FAF1: variants seen among roughly 807,000 people sequenced by gnomAD.
FAF1 encodes the protein Fas associated factor 1.
FAF1 carries 25 observed loss-of-function variants against 92.5 expected under a neutral mutation model. That is an observed-to-expected ratio of 0.27 (90% CI 0.20 to 0.38). The LOEUF (loss-of-function observed/expected upper bound fraction) is 0.38. Among genes scored for constraint, FAF1 ranks in the 10% least tolerant of loss-of-function variants. The pLI, the probability that FAF1 is intolerant of heterozygous loss-of-function variation, is 1.00. For synonymous variants in FAF1, 234 were observed against 273.2 expected, an observed-to-expected ratio of 0.86 and a Z score of 1.42; for missense variants, 636 against 793.3, an observed-to-expected ratio of 0.80 and a Z score of 2.38.
chr1:50,554,641 T>G (rs1485820218), intron 13 of FAF1, among the ~76,000 whole-genome samples: 1 of 152,048 alleles, frequency 6.6e-6, no homozygotes, highest in Non-Finnish European at 1.5e-5. Flanking sequence ...ATCACTCTGA[T>G]CAGATTATTA....
intron 7 of FAF1, among the ~76,000 whole-genome samples, chr1:50,670,565 T>G (rs543703333): frequency 1.4e-3 from 207 of 152,342 alleles, no homozygotes; most frequent in African/African-American, 4.8e-3. Context: ...ACTATAAAGG[T>G]AGAAATACTG....
At chr1:50,674,074 C>A (rs776182908) in intron 7 of FAF1, among the ~76,000 whole-genome samples, 3 of 152,066 alleles carry the variant, frequency 2.0e-5, no homozygotes, top group Non-Finnish European at 4.4e-5. Context: ...CCTCAGCCTC[C>A]CAAGTAGCTG....
intron 14 of FAF1, among the ~76,000 whole-genome samples, chr1:50,538,439 T>C (rs1454793636): frequency 6.6e-6 from 1 of 151,818 alleles, no homozygotes; most frequent in African/African-American, 2.4e-5. Flanking sequence ...CAATGAAGAA[T>C]ATGACTACTA....
At chr1:50,597,841 A>G (rs138907261) in intron 8 of FAF1, among the ~76,000 whole-genome samples, 279 of 152,318 alleles carry the variant, frequency 1.8e-3, no homozygotes, top group African/African-American at 6.1e-3. Flanking sequence ...TAATCCATGG[A>G]AAAGGCAGGC....
chr1:50,951,576 C>T (rs1384154772), intron 1 of FAF1, among the ~76,000 whole-genome samples: 1 of 152,144 alleles, frequency 6.6e-6, no homozygotes, highest in Non-Finnish European at 1.5e-5. Context: ...TGGTCTGAAT[C>T]CAAAGTCCAT....
chr1:50,477,035 C>CT (rs775261073), intron 17 of FAF1, among the ~76,000 whole-genome samples: 6 of 152,154 alleles, frequency 3.9e-5, no homozygotes, highest in Non-Finnish European at 8.8e-5. Flanking sequence ...TGCAAATTAT[C>CT]TGTTAAAAAA....
chr1:50,598,742 G>A (rs866474728), intron 8 of FAF1, among the ~76,000 whole-genome samples: 1 of 152,098 alleles, frequency 6.6e-6, no homozygotes, highest in Non-Finnish European at 1.5e-5. Context: ...AGGCTGAGGC[G>A]AGTGGATCAC....
intron 18 of FAF1, among the ~76,000 whole-genome samples, chr1:50,444,865 T>G (rs1646210455): frequency 6.6e-6 from 1 of 151,454 alleles, no homozygotes; most frequent in Non-Finnish European, 1.5e-5. Flanking sequence ...AAGCTGATGA[T>G]ATGAATGATT....
intron 1 of FAF1, among the ~76,000 whole-genome samples, chr1:50,941,143 C>T (rs1474785576): frequency 2.0e-5 from 3 of 151,918 alleles, no homozygotes; most frequent in Non-Finnish European, 4.4e-5. Context: ...GCAATCCTCC[C>T]ACCTCAGCTT....
intron 4 of FAF1, among the ~76,000 whole-genome samples, chr1:50,756,248 A>C (rs1660068552): frequency 6.6e-6 from 1 of 152,214 alleles, no homozygotes. Flanking sequence ...TTCTTCTGCC[A>C]AATACCCTAA....
chr1:50,694,958 T>C (rs1657124940), intron 7 of FAF1, among the ~76,000 whole-genome samples: 2 of 150,838 alleles, frequency 1.3e-5, no homozygotes, highest in South Asian at 2.1e-4. Context: ...CGAGACTGTC[T>C]CAAAAAAAAA....
intron 12 of FAF1, among the ~76,000 whole-genome samples, chr1:50,575,070 G>A (rs902916156): frequency 2.6e-5 from 4 of 151,722 alleles, no homozygotes; most frequent in African/African-American, 7.2e-5. Context: ...CACCACGCCC[G>A]GCTAATTTTT....
chr1:50,497,784 G>A (rs370032041), intron 15 of FAF1, among the ~76,000 whole-genome samples: 12 of 151,810 alleles, frequency 7.9e-5, no homozygotes, highest in East Asian at 3.9e-4. Context: ...TCCTGGGCTC[G>A]TGATCCACCT....
At chr1:50,547,221 A>G (rs969408533) in intron 13 of FAF1, among the ~76,000 whole-genome samples, 5 of 151,816 alleles carry the variant, frequency 3.3e-5, no homozygotes, top group Admixed American at 3.3e-4. Flanking sequence ...CAGACAATAT[A>G]ATGCCTCACG....
chr1:50,846,427 G>A, intron 2 of FAF1: 1 of 394,584 alleles, frequency 2.5e-6, no homozygotes, highest in Non-Finnish European at 4.9e-6. Flanking sequence ...CGCGTCCTGG[G>A]AACCAGCTCG....
intron 1 of FAF1, among the ~76,000 whole-genome samples, chr1:50,906,239 T>C (rs1156265654): frequency 6.6e-6 from 1 of 152,214 alleles, no homozygotes; most frequent in Non-Finnish European, 1.5e-5. Context: ...TTGGTCTACA[T>C]CTCTGTTTTG....
At chr1:50,457,925 GGT>G (rs1428354463) in intron 18 of FAF1, among the ~76,000 whole-genome samples, 2 of 149,942 alleles carry the variant, frequency 1.3e-5, no homozygotes, top group South Asian at 2.1e-4. Flanking sequence ...ATTTTGAAAA[GGT>G]TATCGACCGG....
intron 8 of FAF1, among the ~76,000 whole-genome samples, chr1:50,610,978 T>G (rs10888699): frequency 6.6e-6 from 1 of 152,240 alleles, no homozygotes; most frequent in Admixed American, 6.5e-5. Flanking sequence ...TTCCCAGGGT[T>G]GAGCTTTGTG....
At chr1:50,666,096 A>G (rs1322879440) in intron 7 of FAF1, among the ~76,000 whole-genome samples, 1 of 150,934 alleles carries the variant, frequency 6.6e-6, no homozygotes, top group Non-Finnish European at 1.5e-5. Flanking sequence ...AATTGCTTGA[A>G]CCTGGGAGGC....
Sources: gnomAD v4.1 joint callset for allele counts (sites outside exome capture counted in the v4.1 genomes callset) on GRCh38, gnomAD v4.1.1 for gene constraint, MANE v1.5 for transcripts, NCBI Gene and HGNC (gene_info 2026-07-23, HGNC 2026-07-21) for gene names.